TMC5: variants seen among roughly 807,000 people sequenced by gnomAD.
TMC5 encodes the protein transmembrane channel-like protein 5.
TMC5 carries 86 observed loss-of-function variants against 110.5 expected under a neutral mutation model. The ratio of observed to expected loss-of-function variants is 0.78; its 90% CI spans 0.65 to 0.93. The LOEUF (loss-of-function observed/expected upper bound fraction) is 0.93, where lower values mean the gene tolerates loss of function less well. Ranked by LOEUF, TMC5 falls within the 40% of genes least tolerant of loss-of-function variation. TMC5 has a pLI of 0.00. For synonymous variants in TMC5, 455 were observed against 439.5 expected (o/e 1.04, Z -0.44); for missense variants, 1,144 against 1,222.8 (o/e 0.94, Z 0.96).
intron 4 of TMC5, among the ~76,000 whole-genome samples, chr16:19,448,304 GCACACACA>G (rs35504788): frequency 1.4e-5 from 2 of 142,188 alleles, no homozygotes; most frequent in Admixed American, 7.0e-5. Flanking sequence ...ACACACACAC[GCACACACA>G]CACACACACA....
chr16:19,477,491 C>T lies in TMC5; in HGVS notation c.2142C>T (p.Leu714=), dbSNP rs1222230072. Residue 714 remains leucine (L), a synonymous_variant, in exon 13 of 22, where the codon CTC becomes CTT. Transcript: ENST00000542583. ...SIIGILCYYW[L]NTVALSGEEC... is the part of the protein sequence containing the mutation. Reference sequence around the variant, plus strand: ...TTGGCATTCTTTGTTACTATTGGCTCAACACCGTGGCCCTGTCTGGTGAAG... The same window carrying T: ...TTGGCATTCTTTGTTACTATTGGCTTAACACCGTGGCCCTGTCTGGTGAAG... The T allele has an allele frequency of 1.2e-6, 2 of 1,612,474 alleles. No homozygotes were observed. Among genetic ancestry groups the T allele is most frequent in the Non-Finnish European group, 1.7e-6 (2 of 1,179,228 alleles).
At chr16:19,497,554 TGTG>T (rs1470984738) in intron 21 of TMC5, among the ~76,000 whole-genome samples, 6 of 152,156 alleles carry the variant, frequency 3.9e-5, no homozygotes, top group Non-Finnish European at 8.8e-5. Flanking sequence ...AACCAATTGT[TGTG>T]GGTGCAAAAA....
intron 6 of TMC5, among the ~76,000 whole-genome samples, chr16:19,463,043 G>A (rs1480050645): frequency 1.3e-5 from 2 of 152,076 alleles, no homozygotes; most frequent in Non-Finnish European, 2.9e-5. Context: ...TGGAGTAGCT[G>A]GGACTATACA....
intron 15 of TMC5, 70 bp from the exon 16 acceptor site, chr16:19,486,875 A>T: frequency 7.2e-7 from 1 of 1,388,200 alleles, no homozygotes; most frequent in South Asian, 1.2e-5. Context: ...CTTCCCCCCA[A>T]CCATCCCAGA....
intron 15 of TMC5, among the ~76,000 whole-genome samples, chr16:19,484,320 G>A (rs891234129): frequency 1.5e-4 from 23 of 152,166 alleles, no homozygotes; most frequent in African/African-American, 5.6e-4. Context: ...TTTGCATGCT[G>A]CTAGATCACC....
At chr16:19,479,932 CAA>C (rs34291127) in intron 14 of TMC5, among the ~76,000 whole-genome samples, 41 of 95,704 alleles carry the variant, frequency 4.3e-4, no homozygotes, top group Admixed American at 5.6e-4. Flanking sequence ...TGTCTCTATC[CAA>C]AAAAAAAAAA....
At chr16:19,456,900 AG>A in intron 5 of TMC5, 1 of 1,614,208 alleles carries the variant, frequency 6.2e-7, no homozygotes, top group Non-Finnish European at 8.5e-7. Context: ...AATGACCAAA[AG>A]GGTAACCAGG....
intron 1 of TMC5, among the ~76,000 whole-genome samples, chr16:19,429,669 G>T (rs1967156731): frequency 6.6e-6 from 1 of 152,206 alleles, no homozygotes; most frequent in African/African-American, 2.4e-5. Context: ...GGAGCTTCCA[G>T]AACCGCTAAT....
At chr16:19,490,365 A>G (rs765087065) in intron 17 of TMC5, 30 bp from the exon 18 acceptor site, 3 of 1,593,332 alleles carry the variant, frequency 1.9e-6, no homozygotes, top group Non-Finnish European at 2.6e-6. Context: ...GTCTTGTGCT[A>G]GAGATGTTCT....
chr16:19,466,014 C>A, intron 8 of TMC5, 68 bp from the exon 9 acceptor site: 1 of 1,560,706 alleles, frequency 6.4e-7, no homozygotes, highest in South Asian at 1.2e-5. Flanking sequence ...GGTCAACTCT[C>A]ATGACCATAA....
intron 1 of TMC5, among the ~76,000 whole-genome samples, chr16:19,418,861 G>A (rs374941425): frequency 5.9e-5 from 9 of 151,804 alleles, no homozygotes; most frequent in Non-Finnish European, 1.2e-4. Flanking sequence ...CTGAGTAGCT[G>A]AGACTATAGG....
chr16:19,472,518 A>C (rs181703943), intron 11 of TMC5, among the ~76,000 whole-genome samples: 1 of 152,270 alleles, frequency 6.6e-6, no homozygotes, highest in East Asian at 1.9e-4. Context: ...AAAATTTTAA[A>C]AATTAGCCTG....
chr16:19,492,893 A>AT (rs1968942286), intron 19 of TMC5, among the ~76,000 whole-genome samples: 1 of 119,904 alleles, frequency 8.3e-6, no homozygotes, highest in African/African-American at 2.8e-5. Flanking sequence ...GCTTTATATT[A>AT]TTTTTTATTT....
intron 1 of TMC5, among the ~76,000 whole-genome samples, chr16:19,423,946 G>T (rs542159402): frequency 6.6e-6 from 1 of 152,254 alleles, no homozygotes; most frequent in South Asian, 2.1e-4. Context: ...TAGAGACAGG[G>T]TTTTGACATG....
At chr16:19,429,025 C>T (rs552454998) in intron 1 of TMC5, among the ~76,000 whole-genome samples, 2 of 152,148 alleles carry the variant, frequency 1.3e-5, no homozygotes, top group East Asian at 3.9e-4. Context: ...GGGTTTTCGC[C>T]ATGTTAGTCA....
intron 18 of TMC5, among the ~76,000 whole-genome samples, chr16:19,491,041 T>C (rs1968892471): frequency 6.8e-6 from 1 of 147,928 alleles, no homozygotes. Context: ...GACAGGGTCA[T>C]GATCTCTCAC....
chr16:19,479,300 T>C, intron 13 of TMC5, 131 bp from the exon 14 acceptor site: 1 of 751,668 alleles, frequency 1.3e-6, no homozygotes, highest in East Asian at 2.5e-5. Context: ...GTCTACTTTT[T>C]TGAGTACACA....
At chr16:19,449,705 G>T in intron 5 of TMC5, 74 bp downstream of exon 5, 1 of 1,335,596 alleles carries the variant, frequency 7.5e-7, no homozygotes, top group Non-Finnish European at 1.1e-6. Flanking sequence ...TGTCGGGGGA[G>T]AGACCTGGTG....
intron 5 of TMC5, among the ~76,000 whole-genome samples, chr16:19,456,108 G>A (rs559293751): frequency 6.4e-4 from 97 of 152,124 alleles, no homozygotes; most frequent in African/African-American, 2.3e-3. Context: ...TTGGGAGGCT[G>A]AGGCAGGAGA....
Sources: gnomAD v4.1 joint callset for allele counts (sites outside exome capture counted in the v4.1 genomes callset) on GRCh38, gnomAD v4.1.1 for gene constraint, MANE v1.5 for transcripts, NCBI Gene and HGNC (gene_info 2026-07-23, HGNC 2026-07-21) for gene names.